TMEM178B: variants seen among roughly 807,000 people sequenced by gnomAD.
The protein encoded by TMEM178B is transmembrane protein 178B.
TMEM178B carries 5 observed loss-of-function variants against 31.0 expected under a neutral mutation model. The ratio of observed to expected loss-of-function variants is 0.16; its 90% CI spans 0.08 to 0.34. The LOEUF (loss-of-function observed/expected upper bound fraction) is 0.34, where lower values mean the gene tolerates loss of function less well. Ranked by LOEUF, TMEM178B falls within the 10% of genes least tolerant of loss-of-function variation. TMEM178B has a pLI of 1.00. For synonymous variants in TMEM178B, 164 were observed against 164.0 expected, an observed-to-expected ratio of 1.00 and a Z score of 0.00; for missense variants, 275 against 400.3, an observed-to-expected ratio of 0.69 and a Z score of 2.67.
intron 1 of TMEM178B, among the ~76,000 whole-genome samples, chr7:141,098,164 G>A (rs1384263229): frequency 2.0e-5 from 3 of 152,082 alleles, no homozygotes; most frequent in Non-Finnish European, 4.4e-5. Context: ...AAAATATGAA[G>A]CCTTACAACT....
intron 2 of TMEM178B, among the ~76,000 whole-genome samples, chr7:141,350,560 C>T (rs909159019): frequency 1.3e-5 from 2 of 152,044 alleles, no homozygotes; most frequent in East Asian, 1.9e-4. Flanking sequence ...CCTTGTATCT[C>T]CTAACATAGC....
chr7:141,491,831 T>C, the TMEM178B span, among the ~76,000 whole-genome samples: 1 of 152,206 alleles, frequency 6.6e-6, no homozygotes, highest in Non-Finnish European at 1.5e-5. Context: ...GCCTGGGCCC[T>C]GTTGCAGGAA....
chr7:141,199,364 A>G (rs1796838515), intron 1 of TMEM178B, among the ~76,000 whole-genome samples: 1 of 152,204 alleles, frequency 6.6e-6, no homozygotes, highest in Admixed American at 6.5e-5. Context: ...TACTTTAGTT[A>G]AGAAAAAGAG....
intron 2 of TMEM178B, among the ~76,000 whole-genome samples, chr7:141,220,445 G>A (rs572797253): frequency 1.8e-4 from 27 of 152,062 alleles, no homozygotes; most frequent in African/African-American, 5.5e-4. Context: ...ATTAAAATGC[G>A]CTGTAGCATG....
chr7:141,338,609 C>T (rs1799465315), intron 2 of TMEM178B, among the ~76,000 whole-genome samples: 1 of 152,162 alleles, frequency 6.6e-6, no homozygotes, highest in African/African-American at 2.4e-5. Context: ...TGATTTCAGA[C>T]ATCAGTACCA....
chr7:141,241,186 T>C (rs529772101), intron 2 of TMEM178B, among the ~76,000 whole-genome samples: 13 of 151,990 alleles, frequency 8.6e-5, no homozygotes, highest in African/African-American at 2.9e-4. Flanking sequence ...CTCCCCCTTC[T>C]GAGTCTCTGA....
chr7:141,501,289 A>G, the TMEM178B span, among the ~76,000 whole-genome samples: 1 of 151,946 alleles, frequency 6.6e-6, no homozygotes, highest in African/African-American at 2.4e-5. Context: ...GTGGCCAAGA[A>G]TCAGGTGAAA....
At chr7:141,410,052 G>A (rs988504458) in intron 2 of TMEM178B, among the ~76,000 whole-genome samples, 1 of 152,124 alleles carries the variant, frequency 6.6e-6, no homozygotes, top group Non-Finnish European at 1.5e-5. Context: ...ACCTCCACCT[G>A]CCTTGCACAT....
rs143154939 is a variant in TMEM178B, at chr7:141,382,187, G to A, written c.497-55421G>A. On this transcript the variant is annotated intron_variant, in intron 2 of 3. Coordinates refer to ENST00000565468, the MANE Select transcript of TMEM178B (RefSeq NM_001195278.2). ...CTTTTAAAACAGAAATCATGTGTCAGTCCCCTGTGTACAAAAGCCCAAAGA... is the reference window on the plus strand; with the variant it reads ...CTTTTAAAACAGAAATCATGTGTCAATCCCCTGTGTACAAAAGCCCAAAGA... Among the ~76,000 whole-genome samples the A allele has an allele frequency of 2.3e-3, 345 of 152,314 alleles. 3 individuals carry two copies. Among genetic ancestry groups the A allele is most frequent in the African/African-American group, 8.1e-3 (337 of 41,560 alleles).
Position 141,074,836 on chromosome 7 carries a change from G to T in TMEM178B, c.382+144G>T, listed in dbSNP as rs1305301311. ...GTTATCCAGGCCTGGCTGAGCCTCG[G>T]GGCCAGGACTTGCCTCCCAATAGCT... On this transcript the variant is annotated intron_variant, in intron 1 of 3. Transcript: ENST00000565468. This position sits in a 1 kb window ranked among gnomAD's most constrained non-coding sequence, Gnocchi z 5.1. 1 of 1,183,246 alleles carries T rather than the reference G, an allele frequency of 8.5e-7. No homozygotes were observed. The highest frequency in any genetic ancestry group is 1.1e-6 in the Non-Finnish European group (1 of 872,818). 73.3% of individuals were successfully genotyped at this position (1,183,246 alleles called of 1,614,324 possible). A position where few individuals can be genotyped will look rare whatever the true frequency, so the allele number is the denominator to read the frequency against.
At chr7:141,126,781 G>A (rs1373660526) in intron 1 of TMEM178B, among the ~76,000 whole-genome samples, 1 of 152,132 alleles carries the variant, frequency 6.6e-6, no homozygotes, top group Non-Finnish European at 1.5e-5. Flanking sequence ...AATCACGTGC[G>A]AGACCTTGGT....
At chr7:141,315,322 C>A (rs533642175) in intron 2 of TMEM178B, among the ~76,000 whole-genome samples, 5 of 152,146 alleles carry the variant, frequency 3.3e-5, no homozygotes, top group Non-Finnish European at 7.4e-5. Flanking sequence ...TAAAGTCTAC[C>A]ATTTTCGGGC....
intron 2 of TMEM178B, among the ~76,000 whole-genome samples, chr7:141,395,900 T>C (rs1800628921): frequency 6.6e-6 from 1 of 152,156 alleles, no homozygotes; most frequent in African/African-American, 2.4e-5. Flanking sequence ...GCCATGATTA[T>C]ACAGCGTTGC....
chr7:141,124,365 TA>T (rs930243991), intron 1 of TMEM178B, among the ~76,000 whole-genome samples: 12 of 148,500 alleles, frequency 8.1e-5, no homozygotes, highest in South Asian at 2.1e-4. Context: ...AGACTCTGAC[TA>T]AAAAAAAAAT....
chr7:141,365,425 A>G (rs1198831130), intron 2 of TMEM178B, among the ~76,000 whole-genome samples: 1 of 152,140 alleles, frequency 6.6e-6, no homozygotes, highest in African/African-American at 2.4e-5. Context: ...GTTTTAATTC[A>G]TATGCCGGGT....
intron 2 of TMEM178B, among the ~76,000 whole-genome samples, chr7:141,436,706 G>A (rs1399578128): frequency 5.3e-5 from 8 of 152,076 alleles, no homozygotes; most frequent in Non-Finnish European, 8.8e-5. Context: ...CTGCGTGCAG[G>A]AGGGCAGGGG....
At chr7:141,110,296 G>T (rs928739431) in intron 1 of TMEM178B, among the ~76,000 whole-genome samples, 43 of 152,178 alleles carry the variant, frequency 2.8e-4, no homozygotes, top group Admixed American at 6.5e-4. Flanking sequence ...TATAAAATTT[G>T]TTTGAAGAAA....
intron 1 of TMEM178B, among the ~76,000 whole-genome samples, chr7:141,152,266 C>T (rs1017559996): frequency 6.6e-6 from 1 of 152,152 alleles, no homozygotes; most frequent in East Asian, 1.9e-4. Context: ...TTGCAGCAGC[C>T]GGGCTTTTCG....
intron 1 of TMEM178B, among the ~76,000 whole-genome samples, chr7:141,078,924 C>T (rs1042548217): frequency 1.3e-5 from 2 of 152,156 alleles, no homozygotes; most frequent in African/African-American, 2.4e-5. Context: ...ATCAAATCCC[C>T]TACAGCTATG....
Sources: gnomAD v4.1 joint callset for allele counts (sites outside exome capture counted in the v4.1 genomes callset) on GRCh38, gnomAD v4.1.1 for gene constraint, Gnocchi (gnomAD v3.1) non-coding constraint, MANE v1.5 for transcripts, NCBI Gene and HGNC (gene_info 2026-07-23, HGNC 2026-07-21) for gene names.